SUB1: variants seen among roughly 807,000 people sequenced by gnomAD.
The protein encoded by SUB1 is SUB1 regulator of transcription.
In SUB1, 1 loss-of-function variant was observed where a neutral mutation model predicts 16.9. The ratio of observed to expected loss-of-function variants is 0.06; its 90% CI spans 0.02 to 0.28. The LOEUF is 0.28. SUB1 is among the 10% of genes least tolerant of loss of function. The pLI, the probability that SUB1 is intolerant of heterozygous loss-of-function variation, is 1.00. For synonymous variants in SUB1, 51 were observed against 46.9 expected (o/e 1.09, Z -0.36); for missense variants, 84 against 145.2 (o/e 0.58, Z 2.16).
intron 3 of SUB1, chr5:32,597,425 C>T (rs961448738): frequency 1.3e-4 from 19 of 151,376 alleles, no homozygotes; most frequent in African/African-American, 4.7e-4. Flanking sequence ...GTCTATTCCA[C>T]CCCCCCTCTC....
chr5:32,602,841 G>A lies in SUB1; in HGVS notation c.*1757G>A, dbSNP rs1019067612. On this transcript the variant is annotated 3_prime_UTR_variant, in exon 5 of 5. Coordinates refer to ENST00000265073, the MANE Select transcript of SUB1 (RefSeq NM_006713.4). ...AAAGTTTGTACTTTAGACACATCAT[G>A]CTTGATTGGTAACTTCCCTCCTTTT... 1.3e-5 allele frequency: 2 copies of A among 152,100 alleles called. No individual in the cohort carries two copies. Among genetic ancestry groups the A allele is most frequent in the Non-Finnish European group, 2.9e-5 (2 of 68,002 alleles). The allele number at this position is 152,100 out of a possible 1,614,324, so 9.4% of individuals were successfully genotyped here. A position where few individuals can be genotyped will look rare whatever the true frequency, so the allele number is the denominator to read the frequency against.
intron 3 of SUB1, among the ~76,000 whole-genome samples, chr5:32,592,495 A>C (rs912689082): frequency 5.9e-5 from 9 of 152,216 alleles, no homozygotes; most frequent in African/African-American, 2.2e-4. Flanking sequence ...GCATCTTTGT[A>C]CAAGAAGGAT....
rs191118736 is a variant in SUB1 at position 32,601,927 on chromosome 5, A to C, written c.*843A>C. On this transcript the variant is annotated 3_prime_UTR_variant, in exon 5 of 5. Transcript: ENST00000265073. Reference sequence around the variant, plus strand: ...GTAACATCAGATATTGTTCAACTAGACTAGGATTTAATAAAAATTGTGAAA... The same window carrying C: ...GTAACATCAGATATTGTTCAACTAGCCTAGGATTTAATAAAAATTGTGAAA... 96 of 179,046 alleles carry C rather than the reference A, an allele frequency of 5.4e-4. 1 individual carries two copies. The Middle Eastern group carries it at 0.013, about 24-fold the overall frequency. 11.1% of individuals were successfully genotyped at this position (179,046 alleles called of 1,614,324 possible).
chr5:32,588,327 C>T (rs1458047), intron 1 of SUB1, among the ~76,000 whole-genome samples, 185 bp from the exon 2 acceptor site: 11,142 of 152,100 alleles, frequency 0.073, 1,136 homozygotes, highest in African/African-American at 0.22. Flanking sequence ...TTGCACCCTG[C>T]GTGTTATTTG....
At position 32,585,558 on chromosome 5, in the gene SUB1, C is replaced by T. The variant is rs949898848; in HGVS notation, c.-69C>T. 2 of 152,264 alleles carry T rather than the reference C, an allele frequency of 1.3e-5. No individual in the cohort carries two copies. Among genetic ancestry groups the T allele is most frequent in the Non-Finnish European group, 2.9e-5 (2 of 68,094 alleles). 9.4% of individuals were successfully genotyped at this position (152,264 alleles called of 1,614,324 possible). ...GGCCGGCGTCTCCTGGCTGCCGTCACTTCCGGTTCTCTGTCAGTCGCGAGC... is the reference window on the plus strand; with the variant it reads ...GGCCGGCGTCTCCTGGCTGCCGTCATTTCCGGTTCTCTGTCAGTCGCGAGC... On this transcript the variant is annotated 5_prime_UTR_variant, in exon 1 of 5. Coordinates refer to ENST00000265073, the MANE Select transcript of SUB1 (RefSeq NM_006713.4).
Position 32,591,679 on chromosome 5 carries a change from GTT to G in SUB1, c.191_192del (p.Phe64SerfsTer9). 6.5e-7 allele frequency: 1 copy of G among 1,536,326 alleles called. No individual in the cohort carries two copies. The highest frequency in any genetic ancestry group is 8.7e-7 in the Non-Finnish European group (1 of 1,146,582). On this transcript the variant is annotated frameshift_variant, in exon 3 of 5. Coordinates refer to ENST00000265073, the MANE Select transcript of SUB1 (RefSeq NM_006713.4). LOFTEE classifies it high-confidence loss of function. ...GCAGCAGCAGCAGAGATGATAACATGTTTCAGGTAAAGTTGGCTATTTTTTTT... is the reference window on the plus strand; with the variant it reads ...GCAGCAGCAGCAGAGATGATAACATGTCAGGTAAAGTTGGCTATTTTTTTT... The part of the protein sequence containing the change: ...QSSSSRDDNM[F>X]QIGKMRYVSV...
intron 2 of SUB1, among the ~76,000 whole-genome samples, chr5:32,590,902 G>T (rs1253117901): frequency 6.6e-6 from 1 of 151,502 alleles, no homozygotes; most frequent in East Asian, 1.9e-4. Context: ...TAGTAGCTGG[G>T]ATTATAGGTG....
intron 1 of SUB1, among the ~76,000 whole-genome samples, chr5:32,588,152 C>T (rs917452262): frequency 6.6e-6 from 1 of 152,128 alleles, no homozygotes; most frequent in African/African-American, 2.4e-5. Context: ...TACATTTCTT[C>T]TGGTTTTAAT....
At chr5:32,591,762 G>C in intron 3 of SUB1, 77 bp downstream of exon 3, 2 of 1,418,708 alleles carry the variant, frequency 1.4e-6, no homozygotes, top group Non-Finnish European at 1.9e-6. Flanking sequence ...GTGCAGTGGC[G>C]CCATCTCGGC....
At chr5:32,588,487 T>C in intron 1 of SUB1, 25 bp from the exon 2 acceptor site, 1 of 1,602,324 alleles carries the variant, frequency 6.2e-7, no homozygotes, top group Non-Finnish European at 8.5e-7. Flanking sequence ...TTATTAATTA[T>C]TTTTGTAATG....
At chr5:32,585,707 C>T (rs1435600654) in intron 1 of SUB1, 82 bp downstream of exon 1, 1 of 152,420 alleles carries the variant, frequency 6.6e-6, no homozygotes, top group Non-Finnish European at 1.5e-5. Context: ...CGGCCCTCCA[C>T]TCCTCTCGCC....
intron 4 of SUB1, among the ~76,000 whole-genome samples, chr5:32,599,741 A>T (rs1178212110): frequency 6.7e-6 from 1 of 149,698 alleles, no homozygotes; most frequent in Non-Finnish European, 1.5e-5. Context: ...ATATGTGTTT[A>T]TATGCTTTCA....
chr5:32,593,531 T>C (rs1220275877), intron 3 of SUB1, among the ~76,000 whole-genome samples: 3 of 152,222 alleles, frequency 2.0e-5, no homozygotes, highest in African/African-American at 4.8e-5. Flanking sequence ...GATTCTGTTC[T>C]GTTAAGAGGA....
chr5:32,598,933 C>CCA, intron 3 of SUB1, 28 bp from the exon 4 acceptor site: 8 of 1,553,272 alleles, frequency 5.2e-6, no homozygotes, highest in Non-Finnish European at 7.1e-6. Flanking sequence ...GAAAGGAGCA[C>CCA]CTCTTTTTAT....
At chr5:32,589,613 A>G (rs1738766212) in intron 2 of SUB1, among the ~76,000 whole-genome samples, 1 of 152,196 alleles carries the variant, frequency 6.6e-6, no homozygotes, top group Non-Finnish European at 1.5e-5. Context: ...ATTTCGCTAA[A>G]TTGAGCATCT....
intron 3 of SUB1, chr5:32,595,531 A>G (rs929751786): frequency 3.9e-5 from 6 of 152,240 alleles, no homozygotes; most frequent in African/African-American, 1.2e-4. Flanking sequence ...ATTTTGTATG[A>G]TAATACTACA....
Position 32,603,556 on chromosome 5 carries a change from C to A in SUB1, c.*2472C>A, listed in dbSNP as rs1403054992. 6.6e-6 allele frequency: 1 copy of A among 152,122 alleles called. No homozygotes were observed. Among genetic ancestry groups the A allele is most frequent in the Non-Finnish European group, 1.5e-5 (1 of 67,994 alleles). The allele number at this position is 152,122 out of a possible 1,614,324, so 9.4% of individuals were successfully genotyped here. On this transcript the variant is annotated 3_prime_UTR_variant, in exon 5 of 5. Coordinates refer to ENST00000265073, the MANE Select transcript of SUB1 (RefSeq NM_006713.4). ...AAGAACAACCACTACAAAAGAAAAT[C>A]TTTGTAATTTGATTGTCTTTTGCTT...
chr5:32,586,967 T>G (rs1738687942), intron 1 of SUB1, among the ~76,000 whole-genome samples: 1 of 152,276 alleles, frequency 6.6e-6, no homozygotes, highest in Non-Finnish European at 1.5e-5. Flanking sequence ...AATGCAAGTT[T>G]CATCTAGAGA....
At chr5:32,599,774 G>T (rs944628713) in intron 4 of SUB1, among the ~76,000 whole-genome samples, 1 of 151,682 alleles carries the variant, frequency 6.6e-6, no homozygotes, top group African/African-American at 2.4e-5. Context: ...GTCACTTCTG[G>T]ATTGGTAATT....
Sources: gnomAD v4.1 joint callset for allele counts (sites outside exome capture counted in the v4.1 genomes callset) on GRCh38, gnomAD v4.1.1 for gene constraint, MANE v1.5 for transcripts, NCBI Gene and HGNC (gene_info 2026-07-23, HGNC 2026-07-21) for gene names.